The following COL5A1 variants were observed in gnomAD, a reference collection of about 807,000 sequenced individuals.
COL5A1 encodes collagen alpha-1(V) chain.
In COL5A1, 16 loss-of-function variants were observed where a neutral mutation model predicts 263.7. The ratio of observed to expected loss-of-function variants is 0.06; its 90% CI spans 0.04 to 0.09. The LOEUF (loss-of-function observed/expected upper bound fraction) is 0.09. COL5A1 is among the 10% of genes least tolerant of loss of function. COL5A1 has a pLI of 1.00. For synonymous variants in COL5A1, 1,012 were observed against 1,004.5 expected, an observed-to-expected ratio of 1.01 and a Z score of -0.14; for missense variants, 2,036 against 2,540.5, an observed-to-expected ratio of 0.80 and a Z score of 4.27.
At chr9:134,815,325 T>C (rs1838702386) in intron 50 of COL5A1, among the ~76,000 whole-genome samples, 1 of 152,228 alleles carries the variant, frequency 6.6e-6, no homozygotes, top group African/African-American at 2.4e-5. Flanking sequence ...GCCTGCCCCT[T>C]GCTTGGCTCT....
At chr9:134,704,149 C>T (rs535849896) in intron 4 of COL5A1, among the ~76,000 whole-genome samples, 2 of 152,126 alleles carry the variant, frequency 1.3e-5, no homozygotes, top group South Asian at 2.1e-4. Context: ...AGTCCCTTAC[C>T]CCAGGGAAGC....
intron 7 of COL5A1, among the ~76,000 whole-genome samples, chr9:134,731,064 G>A (rs1834861111): frequency 6.6e-6 from 1 of 152,228 alleles, no homozygotes; most frequent in South Asian, 2.1e-4. Flanking sequence ...GATTCAGGAG[G>A]AGCCTTGCGT....
intron 25 of COL5A1, among the ~76,000 whole-genome samples, chr9:134,770,921 C>G (rs140802179): frequency 2.0e-5 from 3 of 152,222 alleles, no homozygotes; most frequent in Admixed American, 1.3e-4. Flanking sequence ...TGCTTCCCCC[C>G]ACTGCTTTAC....
Position 134,767,073 on chromosome 9 carries a change from G to T in COL5A1, c.2187+20G>T. On this transcript the variant is annotated intron_variant, in intron 23 of 65. Coordinates refer to ENST00000371817, the MANE Select transcript of COL5A1 (RefSeq NM_000093.5). ...GCCCAGGTAAGTGAGCCTGAGAGAG[G>T]CAGCTCGCAGGGATCCGGCCGTGGG... is the stretch of plus-strand genomic sequence containing the variant. 1 of 1,612,098 alleles carries T rather than the reference G, an allele frequency of 6.2e-7. No homozygotes were observed. The highest frequency in any genetic ancestry group is 1.1e-5 in the South Asian group (1 of 90,768).
In COL5A1 at chr9:134,696,121, C is replaced by T. The variant is rs1833453030; in HGVS notation, c.278-3788C>T. Among the ~76,000 whole-genome samples the T allele has an allele frequency of 6.6e-6, 1 of 152,136 alleles. No homozygotes were observed. Among genetic ancestry groups the T allele is most frequent in the Admixed American group, 6.5e-5 (1 of 15,276 alleles). ...CCACACCCCGCATTCATTTCCTATCCTCTGACCTCTTTCTGCCACCCTGCC... is the reference window on the plus strand; with the variant it reads ...CCACACCCCGCATTCATTTCCTATCTTCTGACCTCTTTCTGCCACCCTGCC... On this transcript the variant is annotated intron_variant, in intron 2 of 65. Transcript: ENST00000371817. The surrounding 1 kb of genome is among the most constrained non-coding windows in gnomAD (Gnocchi z 4.3).
At chr9:134,713,328 C>CT (rs1834135483) in intron 4 of COL5A1, among the ~76,000 whole-genome samples, 1 of 152,240 alleles carries the variant, frequency 6.6e-6, no homozygotes, top group African/African-American at 2.4e-5. Flanking sequence ...AGCCTGGCTC[C>CT]TAACATAACC....
chr9:134,753,824 C>T (rs781265625), intron 14 of COL5A1, 26 bp from the exon 15 acceptor site: 18 of 1,579,290 alleles, frequency 1.1e-5, no homozygotes, highest in Middle Eastern at 3.5e-4. Context: ...CTCGAGCAGA[C>T]ATTAACACAC....
chr9:134,708,259 G>A (rs184499311), intron 4 of COL5A1, among the ~76,000 whole-genome samples: 2 of 152,252 alleles, frequency 1.3e-5, no homozygotes, highest in East Asian at 3.9e-4. Context: ...CTGCTATGTC[G>A]TCTCTGTGCC....
chr9:134,662,698 G>A (rs191403890), intron 1 of COL5A1, among the ~76,000 whole-genome samples: 73 of 152,278 alleles, frequency 4.8e-4, no homozygotes, highest in African/African-American at 1.7e-3. Context: ...TCTCTCTCCC[G>A]GCCTCAGCTT....
rs575226854 is a variant in COL5A1 at position 134,818,248 on chromosome 9, T to C, written c.4231-408T>C. Among the ~76,000 whole-genome samples, 1 of 152,190 alleles carries C rather than the reference T, an allele frequency of 6.6e-6. No individual in the cohort carries two copies. The highest frequency in any genetic ancestry group is 1.5e-5 in the Non-Finnish European group (1 of 68,024). On this transcript the variant is annotated intron_variant, in intron 54 of 65. Transcript: ENST00000371817. The surrounding 1 kb of genome is among the most constrained non-coding windows in gnomAD (Gnocchi z 6.0). ...GCAGAAGATGGGACGCCGTCACCCA[T>C]GCAGTTGGCTTGGGGCCTGGCCCAG...
At chr9:134,776,220 C>T (rs557186989) in intron 27 of COL5A1, among the ~76,000 whole-genome samples, 3 of 152,196 alleles carry the variant, frequency 2.0e-5, no homozygotes, top group South Asian at 2.1e-4. Context: ...AAATGCCTAG[C>T]GAATTTTATA....
intron 1 of COL5A1, among the ~76,000 whole-genome samples, chr9:134,654,486 T>G (rs1437502953): frequency 1.7e-3 from 74 of 44,640 alleles, no homozygotes; most frequent in Admixed American, 2.8e-3. Flanking sequence ...AGGGCTGGAG[T>G]TGTGTAGAGC....
At chr9:134,645,754 G>A (rs1304229307) in intron 1 of COL5A1, among the ~76,000 whole-genome samples, 1 of 152,176 alleles carries the variant, frequency 6.6e-6, no homozygotes, top group Non-Finnish European at 1.5e-5. Flanking sequence ...CGCCTGGCAT[G>A]GTCACTCTTT....
chr9:134,704,719 G>A (rs969397546), intron 4 of COL5A1, among the ~76,000 whole-genome samples: 2 of 152,082 alleles, frequency 1.3e-5, no homozygotes, highest in African/African-American at 4.8e-5. Flanking sequence ...TGCTCACGTT[G>A]GAAAATTGGA....
chr9:134,723,208 C>T (rs1834529901), intron 4 of COL5A1, among the ~76,000 whole-genome samples: 1 of 152,216 alleles, frequency 6.6e-6, no homozygotes, highest in South Asian at 2.1e-4. Context: ...CCCTCAGCTG[C>T]TTCCTGCACC....
At chr9:134,809,894 G>A (rs1021757532) in intron 43 of COL5A1, among the ~76,000 whole-genome samples, 2 of 152,170 alleles carry the variant, frequency 1.3e-5, no homozygotes, top group Non-Finnish European at 2.9e-5. Flanking sequence ...TGCACCGACA[G>A]GAACAACAGA....
chr9:134,790,374 G>GCATC (rs1489691302), intron 32 of COL5A1, among the ~76,000 whole-genome samples: 1 of 46,442 alleles, frequency 2.2e-5, no homozygotes, highest in African/African-American at 9.1e-5. Context: ...ATCCATCCAT[G>GCATC]CATCCATCCA....
intron 65 of COL5A1, among the ~76,000 whole-genome samples, chr9:134,838,252 C>T (rs1488283112): frequency 6.6e-6 from 1 of 152,174 alleles, no homozygotes; most frequent in Non-Finnish European, 1.5e-5. Context: ...TAGGAGCCCC[C>T]TACCGAGTGA....
rs183334959 is a variant in COL5A1 at position 134,733,215 on chromosome 9, G to A, written c.1389+1088G>A. On this transcript the variant is annotated intron_variant, in intron 9 of 65. Coordinates refer to ENST00000371817, the MANE Select transcript of COL5A1 (RefSeq NM_000093.5). ...CCAGAATGTGCAGTCACAGTGACCCGCCACCCTACTGTAGAGCTGGGGACA... is the reference window on the plus strand; with the variant it reads ...CCAGAATGTGCAGTCACAGTGACCCACCACCCTACTGTAGAGCTGGGGACA... Among the ~76,000 whole-genome samples, 381 of 152,292 alleles carry A rather than the reference G, an allele frequency of 2.5e-3. 1 individual carries two copies. Among genetic ancestry groups the A allele is most frequent in the African/African-American group, 7.3e-3 (305 of 41,564 alleles).
Sources: allele counts gnomAD v4.1 joint callset (sites outside exome capture counted in the v4.1 genomes callset), GRCh38; gene constraint gnomAD v4.1.1; non-coding constraint Gnocchi (gnomAD v3.1); transcripts MANE v1.5; gene names NCBI Gene and HGNC (gene_info 2026-07-23, HGNC 2026-07-21).